Variants in PREPL observed in about 807,000 individuals in gnomAD.
The protein encoded by PREPL is prolyl endopeptidase like.
A neutral mutation model predicts 70.6 loss-of-function variants in PREPL; 77 were observed. The observed-to-expected ratio is 1.09, with a 90% confidence interval of 0.91 to 1.32. The LOEUF is 1.32. PREPL is among the 40% of genes most tolerant of loss of function. PREPL has a pLI of 0.00. For synonymous variants in PREPL, 315 were observed against 264.8 expected (o/e 1.19, Z -1.84); for missense variants, 1,002 against 778.2 (o/e 1.29, Z -3.42).
At position 44,332,242 on chromosome 2, in the gene PREPL, G is replaced by A. The variant is rs112186124; in HGVS notation, c.1086+217C>T. Among the ~76,000 whole-genome samples, 342 of 152,174 alleles carry A rather than the reference G, an allele frequency of 2.2e-3. 1 individual carries two copies. The Middle Eastern group carries it at 0.027, about 12-fold the overall frequency. ...ATTACAGGCGTGAGCCACCGTGCCCGGCCGACATGCTATAAATTTTCTAAT... is the reference window on the plus strand; with the variant it reads ...ATTACAGGCGTGAGCCACCGTGCCCAGCCGACATGCTATAAATTTTCTAAT... On this transcript the variant is annotated intron_variant, in intron 8 of 13. Coordinates refer to ENST00000409411, the MANE Select transcript of PREPL (RefSeq NM_001171613.2).
intron 3 of PREPL, 65 bp downstream of exon 3, chr2:44,344,454 TA>T: frequency 8.5e-7 from 1 of 1,181,362 alleles, no homozygotes. Context: ...GAGAAATTAA[TA>T]AATTTCCTAT....
chr2:44,332,681 T>A (rs1334364972), intron 7 of PREPL, 25 bp from the exon 8 acceptor site: 1 of 1,553,306 alleles, frequency 6.4e-7, no homozygotes. Context: ...CAGCTATTTT[T>A]ATTCTTTATT....
At chr2:44,360,310 T>G (rs2104282170) in intron 1 of PREPL, 1 of 152,404 alleles carries the variant, frequency 6.6e-6, no homozygotes, top group Non-Finnish European at 1.5e-5. Context: ...TTATATGGAC[T>G]TAATAAAGTA....
intron 8 of PREPL, 77 bp from the exon 9 acceptor site, chr2:44,329,189 G>A (rs540167052): frequency 8.2e-7 from 1 of 1,223,036 alleles, no homozygotes; most frequent in South Asian, 1.5e-5. Context: ...AAAATACATT[G>A]AGGTGCACTG....
upstream of PREPL, chr2:44,361,856 C>T: frequency 7.6e-7 from 1 of 1,311,516 alleles, no homozygotes; most frequent in African/African-American, 1.5e-5. Context: ...ATGCGAGTAC[C>T]GGAAATGCGG....
chr2:44,353,025 T>C (rs183990419), intron 1 of PREPL, among the ~76,000 whole-genome samples: 25 of 152,168 alleles, frequency 1.6e-4, no homozygotes, highest in African/African-American at 2.4e-4. Context: ...GACAGGAGGA[T>C]TGCTTGAGCC....
Position 44,339,230 on chromosome 2 carries a change from T to C in PREPL, c.619A>G (p.Ile207Val). 1.2e-6 allele frequency: 2 copies of C among 1,614,058 alleles called. No individual in the cohort carries two copies. The highest frequency in any genetic ancestry group is 1.7e-6 in the Non-Finnish European group (2 of 1,179,960). The part of the protein sequence containing the change: ...WDPPVLIQKR[I>V]HGVLYYVEHR... Reference sequence around the variant, plus strand: ...TCAACATAGTAAAGGACCCCATGTATTCGCTTCTGGATAAGTACTGGTGGG... The same window carrying C: ...TCAACATAGTAAAGGACCCCATGTACTCGCTTCTGGATAAGTACTGGTGGG... Residue 207 changes from isoleucine (I) to valine (V), a missense_variant, in exon 6 of 14, where the codon ATA becomes GTA. Coordinates refer to ENST00000409411, the MANE Select transcript of PREPL (RefSeq NM_001171613.2).
At chr2:44,351,593 C>T (rs1037357613) in intron 1 of PREPL, among the ~76,000 whole-genome samples, 4 of 151,874 alleles carry the variant, frequency 2.6e-5, no homozygotes, top group Admixed American at 1.3e-4. Context: ...CTCCCAGCTA[C>T]TCAGGCTTAA....
intron 5 of PREPL, 105 bp from the exon 6 acceptor site, chr2:44,339,468 T>A: frequency 7.0e-7 from 1 of 1,434,396 alleles, no homozygotes; most frequent in Non-Finnish European, 9.2e-7. Context: ...TGATTTATAA[T>A]GCAGATAGGA....
At chr2:44,353,742 C>T (rs961899070) in intron 1 of PREPL, among the ~76,000 whole-genome samples, 21 of 152,060 alleles carry the variant, frequency 1.4e-4, no homozygotes, top group African/African-American at 4.8e-4. Context: ...TCAGAAAGGA[C>T]ACCAAGACAA....
intron 1 of PREPL, among the ~76,000 whole-genome samples, chr2:44,348,825 C>T (rs1015271423): frequency 1.3e-5 from 2 of 152,178 alleles, no homozygotes; most frequent in African/African-American, 4.8e-5. Context: ...ATTAAGTACT[C>T]CAGGTTACTT....
At chr2:44,358,516 AAGC>A (rs1677293288) in intron 1 of PREPL, among the ~76,000 whole-genome samples, 1 of 152,220 alleles carries the variant, frequency 6.6e-6, no homozygotes, top group South Asian at 2.1e-4. Flanking sequence ...AGGGATGTCA[AAGC>A]AGCAGCAGCA....
At chr2:44,338,120 G>A (rs1292923056) in intron 7 of PREPL, among the ~76,000 whole-genome samples, 1 of 152,134 alleles carries the variant, frequency 6.6e-6, no homozygotes, top group Non-Finnish European at 1.5e-5. Context: ...TACTTGTGAA[G>A]TCCATGCCAT....
At chr2:44,328,376 G>A (rs1339845817) in intron 9 of PREPL, among the ~76,000 whole-genome samples, 3 of 137,480 alleles carry the variant, frequency 2.2e-5, no homozygotes, top group Non-Finnish European at 3.0e-5. Flanking sequence ...GGCAGAGGTT[G>A]CAGTGAGCCG....
chr2:44,344,657 T>C, intron 2 of PREPL, 71 bp from the exon 3 acceptor site: 1 of 1,179,766 alleles, frequency 8.5e-7, no homozygotes. Flanking sequence ...CTATTCAAGA[T>C]GAAGATGAAA....
At position 44,328,917 on chromosome 2, in the gene PREPL, G is replaced by C. The variant is rs996155855; in HGVS notation, c.1262+20C>G. The C allele has an allele frequency of 4.4e-6, 7 of 1,601,926 alleles. No individual in the cohort carries two copies. Among genetic ancestry groups the C allele is most frequent in the African/African-American group, 1.3e-5 (1 of 74,542 alleles). On this transcript the variant is annotated intron_variant, in intron 9 of 13. Coordinates refer to ENST00000409411, the MANE Select transcript of PREPL (RefSeq NM_001171613.2). ...ACAATGGTCTAGCACTTACATGCCA[G>C]GTAAAATATACTGACTCACCGAACA...
chr2:44,329,069 G>T lies in PREPL; in HGVS notation c.1130C>A (p.Ser377Tyr). 6.2e-7 allele frequency: 1 copy of T among 1,611,032 alleles called. No individual in the cohort carries two copies. The highest frequency in any genetic ancestry group is 8.5e-7 in the Non-Finnish European group (1 of 1,177,376). ...VPMTVFHKTDSEDLQKKPLLV... is the reference protein window; with the variant it reads ...VPMTVFHKTDYEDLQKKPLLV... ...GAGAGGTTTCTTCTGCAAGTCCTCA[G>T]AGTCAGTTTTGTGGAAAACAGTCAT... The change falls in exon 9 of 14, where the codon TCT (serine) becomes TAT (tyrosine). Residue 377 changes from serine (S) to tyrosine (Y), a missense_variant. Coordinates refer to ENST00000409411, the MANE Select transcript of PREPL (RefSeq NM_001171613.2).
chr2:44,351,210 C>A (rs866427093), intron 1 of PREPL, among the ~76,000 whole-genome samples: 6 of 151,778 alleles, frequency 4.0e-5, no homozygotes, highest in African/African-American at 1.5e-4. Flanking sequence ...GCTGGGATTA[C>A]AGGCGTGAGC....
chr2:44,332,392 G>A, intron 8 of PREPL, 67 bp downstream of exon 8: 2 of 1,371,102 alleles, frequency 1.5e-6, no homozygotes, highest in Non-Finnish European at 1.0e-6. Flanking sequence ...TCCAACAACT[G>A]CATGGCATCT....
Sources: gnomAD v4.1 joint callset for allele counts (sites outside exome capture counted in the v4.1 genomes callset) on GRCh38, gnomAD v4.1.1 for gene constraint, MANE v1.5 for transcripts, NCBI Gene and HGNC (gene_info 2026-07-23, HGNC 2026-07-21) for gene names.